Variants in ANTXR2 observed in about 807,000 individuals in gnomAD.
ANTXR2 encodes ANTXR cell adhesion molecule 2.
In ANTXR2, 44 loss-of-function variants were observed where a neutral mutation model predicts 73.7. That is an observed-to-expected ratio of 0.60 (90% CI 0.47 to 0.77). The LOEUF (loss-of-function observed/expected upper bound fraction) is 0.77. Ranked by LOEUF, ANTXR2 falls within the 30% of genes least tolerant of loss-of-function variation. ANTXR2 has a pLI of 0.00. For missense variants in ANTXR2, 604 were observed against 592.5 expected (o/e 1.02, Z -0.20); for synonymous variants, 217 against 205.9 (o/e 1.05, Z -0.46).
Position 79,903,854 on chromosome 4 carries a change from CT to C in ANTXR2, c.*3574del, listed in dbSNP as rs1726805640. 6.6e-6 allele frequency: 1 copy of C among 151,996 alleles called. No homozygotes were observed. Among genetic ancestry groups the C allele is most frequent in the East Asian group, 1.9e-4 (1 of 5,186 alleles). The allele number at this position is 151,996 out of a possible 1,614,324, so 9.4% of individuals were successfully genotyped here. On this transcript the variant is annotated 3_prime_UTR_variant, in exon 17 of 17. Coordinates refer to ENST00000403729, the MANE Select transcript of ANTXR2 (RefSeq NM_058172.6). ...TTGAAATGATGCATATATTTCTTTCCTGTGTACATATACCCACCAAACTTTT... is the reference window on the plus strand; with the variant it reads ...TTGAAATGATGCATATATTTCTTTCCGTGTACATATACCCACCAAACTTTT...
chr4:80,034,563 A>T (rs1039993091), intron 8 of ANTXR2, among the ~76,000 whole-genome samples: 2 of 152,132 alleles, frequency 1.3e-5, no homozygotes, highest in African/African-American at 4.8e-5. Flanking sequence ...TCCTGTGGAA[A>T]GTCCCTAGTT....
chr4:79,937,479 T>G (rs1403437316), intron 16 of ANTXR2, among the ~76,000 whole-genome samples: 6 of 152,206 alleles, frequency 3.9e-5, no homozygotes, highest in Non-Finnish European at 4.4e-5. Flanking sequence ...TTGTGCCACT[T>G]GCTTGGGCCA....
At chr4:79,960,517 A>T (rs1289783909) in intron 16 of ANTXR2, among the ~76,000 whole-genome samples, 1 of 152,050 alleles carries the variant, frequency 6.6e-6, no homozygotes, top group East Asian at 1.9e-4. Flanking sequence ...TTTTAAAAGC[A>T]TAAGGAGAAA....
Position 79,993,760 on chromosome 4 carries a change from G to GCA in ANTXR2, c.1042-8899_1042-8898dup, listed in dbSNP as rs1553931141. Reference sequence around the variant, plus strand: ...GGCAATACACCACACACACACACACGCACACACACACACACACACACACAT... The same window carrying GCA: ...GGCAATACACCACACACACACACACGCACACACACACACACACACACACACAT... On this transcript the variant is annotated intron_variant, in intron 12 of 16. Transcript: ENST00000403729. Among the ~76,000 whole-genome samples the GCA allele has an allele frequency of 4.6e-3, 650 of 140,764 alleles. 7 individuals carry two copies. Among genetic ancestry groups the GCA allele is most frequent in the African/African-American group, 0.014 (563 of 39,066 alleles). 92.3% of individuals were successfully genotyped at this position (140,764 alleles called of 152,430 possible).
Position 80,072,602 on chromosome 4 carries a change from C to T in ANTXR2, c.-42G>A. 1.4e-6 allele frequency: 2 copies of T among 1,458,196 alleles called. No individual in the cohort carries two copies. The highest frequency in any genetic ancestry group is 1.8e-6 in the Non-Finnish European group (2 of 1,106,328). The allele number at this position is 1,458,196 out of a possible 1,614,324, so 90.3% of individuals were successfully genotyped here. On this transcript the variant is annotated 5_prime_UTR_variant, in exon 1 of 17. Transcript: ENST00000403729. ...TGAGACTCCCTCCCGCTCGCAGTCCCCTAAGCTCAGGAGGGTCGCAAAGGT... is the reference window on the plus strand; with the variant it reads ...TGAGACTCCCTCCCGCTCGCAGTCCTCTAAGCTCAGGAGGGTCGCAAAGGT...
chr4:80,051,474 A>G (rs1023413254), intron 7 of ANTXR2, among the ~76,000 whole-genome samples: 1 of 151,752 alleles, frequency 6.6e-6, no homozygotes, highest in African/African-American at 2.4e-5. Context: ...GGAGAAAAAG[A>G]AGAAATGTTT....
At chr4:80,030,022 T>A (rs375687995) in intron 10 of ANTXR2, among the ~76,000 whole-genome samples, 1 of 151,934 alleles carries the variant, frequency 6.6e-6, no homozygotes, top group South Asian at 2.1e-4. Context: ...AAATAATCTG[T>A]TTTAACAAGA....
chr4:79,974,056 T>G (rs548632180), intron 16 of ANTXR2, among the ~76,000 whole-genome samples: 1 of 152,266 alleles, frequency 6.6e-6, no homozygotes, highest in Admixed American at 6.5e-5. Flanking sequence ...TTTAACACAA[T>G]TTATTAAAAA....
At chr4:79,984,344 G>A (rs1477551627) in intron 13 of ANTXR2, among the ~76,000 whole-genome samples, 2 of 152,244 alleles carry the variant, frequency 1.3e-5, no homozygotes, top group East Asian at 1.9e-4. Flanking sequence ...GTGTAGGTTT[G>A]GACTCTATGA....
At chr4:79,981,113 A>G (rs1226075616) in intron 14 of ANTXR2, among the ~76,000 whole-genome samples, 1 of 152,124 alleles carries the variant, frequency 6.6e-6, no homozygotes, top group Admixed American at 6.6e-5. Context: ...TCCACTCCAG[A>G]TTTCTTAAAA....
intron 16 of ANTXR2, among the ~76,000 whole-genome samples, chr4:79,966,815 A>T (rs11098964): frequency 2.0e-5 from 3 of 151,972 alleles, no homozygotes; most frequent in African/African-American, 7.3e-5. Context: ...CCATGATTAA[A>T]TGGCCTGTGA....
In ANTXR2 at chr4:79,909,525, A is replaced by T. The variant is rs147817081; in HGVS notation, c.1429-2058T>A. Among the ~76,000 whole-genome samples, 4 of 136,738 alleles carry T rather than the reference A, an allele frequency of 2.9e-5. No individual in the cohort carries two copies. The Admixed American group carries it at 3.0e-4, about 10-fold the overall frequency. The allele number at this position is 136,738 out of a possible 152,430, so 89.7% of individuals were successfully genotyped here. On this transcript the variant is annotated intron_variant, in intron 16 of 16. Transcript: ENST00000403729. ...CATTTGATGTGGTTTAATTAAAGAT[A>T]TGGAAACTTGAAGGAAGAAAACTCT...
intron 8 of ANTXR2, 48 bp downstream of exon 8, chr4:80,035,923 GA>G: frequency 2.8e-6 from 4 of 1,441,902 alleles, no homozygotes; most frequent in Middle Eastern, 1.8e-4. Context: ...TTTTAGCTAG[GA>G]AAAAAATACA....
intron 16 of ANTXR2, among the ~76,000 whole-genome samples, chr4:79,976,295 T>A (rs987214714): frequency 5.3e-5 from 8 of 152,222 alleles, no homozygotes; most frequent in Admixed American, 1.3e-4. Context: ...AATGATCATG[T>A]TGACACACAG....
chr4:79,937,874 G>A (rs914429363), intron 16 of ANTXR2, among the ~76,000 whole-genome samples: 14 of 143,724 alleles, frequency 9.7e-5, no homozygotes, highest in Admixed American at 1.4e-4. Context: ...TGTGCGCACC[G>A]TGCACGAGCC....
chr4:79,964,064 C>A (rs7689222), intron 16 of ANTXR2, among the ~76,000 whole-genome samples: 2 of 151,988 alleles, frequency 1.3e-5, no homozygotes, highest in African/African-American at 4.8e-5. Flanking sequence ...TAATAAGAAA[C>A]CTTAAAAGTT....
At chr4:79,927,991 C>T (rs891754865) in intron 16 of ANTXR2, among the ~76,000 whole-genome samples, 3 of 152,152 alleles carry the variant, frequency 2.0e-5, no homozygotes, top group Admixed American at 1.3e-4. Flanking sequence ...ACTACATGAT[C>T]CAGTAATCCC....
intron 16 of ANTXR2, among the ~76,000 whole-genome samples, chr4:79,922,829 CA>C (rs1727639740): frequency 6.6e-6 from 1 of 151,788 alleles, no homozygotes; most frequent in Non-Finnish European, 1.5e-5. Context: ...AGGTTAGCTG[CA>C]AAAAATTATA....
intron 16 of ANTXR2, among the ~76,000 whole-genome samples, chr4:79,966,427 TGCATAGATAAA>T (rs1393662741): frequency 2.6e-5 from 4 of 152,174 alleles, no homozygotes; most frequent in African/African-American, 7.2e-5. Flanking sequence ...TGTCTTCTCG[TGCATAGATAAA>T]GCATTACCAA....
Sources: gnomAD v4.1 joint callset for allele counts (sites outside exome capture counted in the v4.1 genomes callset) on GRCh38, gnomAD v4.1.1 for gene constraint, MANE v1.5 for transcripts, NCBI Gene and HGNC (gene_info 2026-07-23, HGNC 2026-07-21) for gene names.